NRIP1: variants seen among roughly 807,000 people sequenced by gnomAD.
NRIP1 encodes nuclear receptor interacting protein 1.
A neutral mutation model predicts 75.0 loss-of-function variants in NRIP1; 28 were observed. The ratio of observed to expected loss-of-function variants is 0.37; its 90% CI spans 0.28 to 0.51. The LOEUF (loss-of-function observed/expected upper bound fraction) is 0.51. Ranked by LOEUF, NRIP1 falls within the 20% of genes least tolerant of loss-of-function variation. The pLI is 0.92. For synonymous variants in NRIP1, 526 were observed against 487.6 expected, an observed-to-expected ratio of 1.08 and a Z score of -1.04; for missense variants, 1,435 against 1,343.7, an observed-to-expected ratio of 1.07 and a Z score of -1.06.
intron 2 of NRIP1, among the ~76,000 whole-genome samples, chr21:15,031,542 T>C (rs530750822): frequency 2.4e-4 from 31 of 128,686 alleles, no homozygotes; most frequent in East Asian, 9.3e-4. Flanking sequence ...GGAAGGCGGT[T>C]GGAGGTTCAC....
intron 3 of NRIP1, among the ~76,000 whole-genome samples, chr21:14,980,026 T>C (rs1426184908): frequency 1.3e-5 from 2 of 152,318 alleles, no homozygotes; most frequent in East Asian, 3.9e-4. Context: ...CTTGGGTCAC[T>C]TGTTCCCAAA....
chr21:15,057,223 C>T (rs1391730385), intron 1 of NRIP1, among the ~76,000 whole-genome samples: 1 of 152,120 alleles, frequency 6.6e-6, no homozygotes, highest in Non-Finnish European at 1.5e-5. Context: ...AACTTTTCAA[C>T]CAGGAAGAGC....
In NRIP1 at chr21:14,996,102, G is replaced by A. The variant is rs147732984; in HGVS notation, c.-335+18242C>T. Among the ~76,000 whole-genome samples the A allele has an allele frequency of 3.4e-3, 513 of 152,064 alleles. 1 individual carries two copies. The highest frequency in any genetic ancestry group is 0.027 in the Middle Eastern group (8 of 294). Reference sequence around the variant, plus strand: ...TTTGTAGTAGCCACACTTTTTCAAAGTTGAAAAAAAGTAAAATTAATTTGA... The same window carrying A: ...TTTGTAGTAGCCACACTTTTTCAAAATTGAAAAAAAGTAAAATTAATTTGA... On this transcript the variant is annotated intron_variant, in intron 3 of 3. Transcript: ENST00000318948.
intron 3 of NRIP1, among the ~76,000 whole-genome samples, chr21:14,987,147 G>A (rs1480447761): frequency 2.6e-5 from 4 of 151,954 alleles, no homozygotes; most frequent in Non-Finnish European, 4.4e-5. Flanking sequence ...AATTTATTCC[G>A]GCTCTACCAT....
At chr21:14,994,111 T>G (rs1222638680) in intron 3 of NRIP1, among the ~76,000 whole-genome samples, 2 of 152,042 alleles carry the variant, frequency 1.3e-5, no homozygotes, top group African/African-American at 4.8e-5. Context: ...AAAGGCAAAT[T>G]GCAAGATTTT....
intron 2 of NRIP1, among the ~76,000 whole-genome samples, chr21:15,030,178 AT>A: frequency 6.6e-6 from 1 of 152,378 alleles, no homozygotes; most frequent in Non-Finnish European, 1.5e-5. Flanking sequence ...GTCACTCAAG[AT>A]GGCAGAGTAG....
intron 1 of NRIP1, among the ~76,000 whole-genome samples, chr21:15,049,424 A>C (rs903198791): frequency 1.3e-5 from 2 of 152,146 alleles, no homozygotes; most frequent in Non-Finnish European, 2.9e-5. Context: ...TCAAGAGTAT[A>C]TCAAAACACA....
At chr21:14,990,897 G>GTT (rs1600841352) in intron 3 of NRIP1, among the ~76,000 whole-genome samples, 2 of 152,162 alleles carry the variant, frequency 1.3e-5, no homozygotes, top group East Asian at 3.9e-4. Context: ...TGCCTGCAAA[G>GTT]TTCATTAGTG....
At chr21:15,043,304 A>G (rs1458304816) in intron 2 of NRIP1, among the ~76,000 whole-genome samples, 191 bp downstream of exon 2, 1 of 152,240 alleles carries the variant, frequency 6.6e-6, no homozygotes, top group African/African-American at 2.4e-5. Flanking sequence ...CAGACGTTTT[A>G]TTCGCTTACA....
chr21:15,009,173 A>C (rs2088043259), intron 3 of NRIP1, among the ~76,000 whole-genome samples: 1 of 152,234 alleles, frequency 6.6e-6, no homozygotes, highest in African/African-American at 2.4e-5. Context: ...TCTGTGCAGA[A>C]TGTCCCTAAG....
At chr21:15,056,671 G>A (rs1296449954) in intron 1 of NRIP1, among the ~76,000 whole-genome samples, 1 of 151,918 alleles carries the variant, frequency 6.6e-6, no homozygotes, top group African/African-American at 2.4e-5. Context: ...TGTTTCCTTT[G>A]CAGCTTTTAT....
In NRIP1 at chr21:14,962,022, TATA is replaced by T. The variant is rs1568930088; in HGVS notation, c.*2691_*2693del. On this transcript the variant is annotated 3_prime_UTR_variant, in exon 4 of 4. Coordinates refer to ENST00000318948, the MANE Select transcript of NRIP1 (RefSeq NM_003489.4). ...TATATATATATATACATATTATATA[TATA>T]TATATATATATATATATAAAATATA... 171 of 34,592 alleles carry T rather than the reference TATA, an allele frequency of 4.9e-3. No individual in the cohort carries two copies. The highest frequency in any genetic ancestry group is 7.1e-3 in the African/African-American group (20 of 2,808). The allele number at this position is 34,592 out of a possible 1,614,324, so 2.1% of individuals were successfully genotyped here.
Position 15,024,412 on chromosome 21 carries a change from G to A in NRIP1, c.-457-9946C>T, listed in dbSNP as rs545528903. ...CAAAAATTAGCTGGGTGTGGTGGCA[G>A]TCACCTGTAATCCCAGCTACTAGGG... On this transcript the variant is annotated intron_variant, in intron 2 of 3. Transcript: ENST00000318948. Among the ~76,000 whole-genome samples the A allele has an allele frequency of 2.6e-5, 4 of 152,118 alleles. No individual in the cohort carries two copies. In the East Asian group the frequency reaches 7.7e-4, roughly 29 times the overall value.
At chr21:15,058,697 A>C (rs936663398) in intron 1 of NRIP1, among the ~76,000 whole-genome samples, 4 of 152,188 alleles carry the variant, frequency 2.6e-5, no homozygotes, top group African/African-American at 9.7e-5. Flanking sequence ...TATTGTACAT[A>C]AACGATTCCC....
intron 3 of NRIP1, among the ~76,000 whole-genome samples, chr21:14,999,842 C>T (rs1433759389): frequency 6.6e-6 from 1 of 152,234 alleles, no homozygotes. Flanking sequence ...AAATTAATAG[C>T]CATAATAACA....
At chr21:14,996,927 TATAAAG>T (rs1568967880) in intron 3 of NRIP1, among the ~76,000 whole-genome samples, 1 of 151,974 alleles carries the variant, frequency 6.6e-6, no homozygotes, top group African/African-American at 2.4e-5. Flanking sequence ...AAGACACTTG[TATAAAG>T]ATAAATAAAT....
At chr21:14,995,512 C>T (rs575229281) in intron 3 of NRIP1, among the ~76,000 whole-genome samples, 34 of 152,292 alleles carry the variant, frequency 2.2e-4, no homozygotes, top group African/African-American at 7.0e-4. Context: ...GCTTCAGAAT[C>T]TTTAAAGCTA....
chr21:15,047,076 G>C (rs1216896789), intron 1 of NRIP1, among the ~76,000 whole-genome samples: 2 of 152,240 alleles, frequency 1.3e-5, no homozygotes, highest in South Asian at 2.1e-4. Flanking sequence ...AAAAATGCCC[G>C]AGACTGGGTA....
intron 3 of NRIP1, among the ~76,000 whole-genome samples, chr21:14,974,851 T>C (rs1183846847): frequency 2.0e-5 from 3 of 152,190 alleles, no homozygotes; most frequent in African/African-American, 7.2e-5. Flanking sequence ...CTCATGCCTG[T>C]AACTTCAGCA....
Sources: allele counts gnomAD v4.1 joint callset (sites outside exome capture counted in the v4.1 genomes callset), GRCh38; gene constraint gnomAD v4.1.1; transcripts MANE v1.5; gene names NCBI Gene and HGNC (gene_info 2026-07-23, HGNC 2026-07-21).